The following PDCD1LG2 variants were observed in gnomAD, a reference collection of about 807,000 sequenced individuals.
PDCD1LG2 encodes programmed cell death 1 ligand 2, also known as B7 dendritic cell molecule.
PDCD1LG2 carries 32 observed loss-of-function variants against 28.2 expected under a neutral mutation model. That is an observed-to-expected ratio of 1.13 (90% CI 0.86 to 1.52). The LOEUF is 1.52. Ranked by LOEUF, PDCD1LG2 falls within the 40% of genes most tolerant of loss-of-function variation. PDCD1LG2 has a pLI of 0.00. For synonymous variants in PDCD1LG2, 116 were observed against 120.2 expected, an observed-to-expected ratio of 0.97 and a Z score of 0.23; for missense variants, 385 against 323.8, an observed-to-expected ratio of 1.19 and a Z score of -1.45.
At chr9:5,550,476 T>C (rs921266478) in intron 4 of PDCD1LG2, among the ~76,000 whole-genome samples, 4 of 152,234 alleles carry the variant, frequency 2.6e-5, no homozygotes, top group Non-Finnish European at 4.4e-5. Context: ...AGATTTATTA[T>C]CTGATACTTA....
rs1037986056 is a variant in PDCD1LG2, at chr9:5,549,687, G to T, written c.631+83G>T. The T allele has an allele frequency of 7.3e-6, 11 of 1,505,320 alleles. No homozygotes were observed. In the African/African-American group the frequency reaches 1.5e-4, roughly 21 times the overall value. The allele number at this position is 1,505,320 out of a possible 1,614,324, so 93.2% of individuals were successfully genotyped here. ...GGCATACTCGAGTGATTTGAGGAGA[G>T]TGTAATAAAGGGACTGTTTACAAAG... On this transcript the variant is annotated intron_variant, in intron 4 of 6. Transcript: ENST00000397747.
chr9:5,522,093 G>A (rs1820285984), intron 1 of PDCD1LG2, among the ~76,000 whole-genome samples: 1 of 152,190 alleles, frequency 6.6e-6, no homozygotes, highest in Admixed American at 6.5e-5. Context: ...ATGTAGCTCT[G>A]TTCTATGGAG....
At chr9:5,514,772 G>GAAAAAAAAAAA (rs60002651) in intron 1 of PDCD1LG2, among the ~76,000 whole-genome samples, 33 of 62,188 alleles carry the variant, frequency 5.3e-4, no homozygotes, top group African/African-American at 8.6e-4. Context: ...AGTCTCTAAA[G>GAAAAAAAAAAA]AAAAAAAAAA....
At chr9:5,566,594 G>A (rs1816670567) in intron 6 of PDCD1LG2, among the ~76,000 whole-genome samples, 1 of 152,186 alleles carries the variant, frequency 6.6e-6, no homozygotes, top group African/African-American at 2.4e-5. Flanking sequence ...CAGTCTCTGA[G>A]TGACTAAAAT....
intron 4 of PDCD1LG2, among the ~76,000 whole-genome samples, chr9:5,549,851 G>A (rs1414893965): frequency 6.6e-6 from 1 of 152,110 alleles, no homozygotes; most frequent in Non-Finnish European, 1.5e-5. Context: ...CCCAGGAGCT[G>A]TAGCCACAGA....
intron 1 of PDCD1LG2, among the ~76,000 whole-genome samples, chr9:5,511,643 T>C (rs576267441): frequency 4.6e-5 from 7 of 152,308 alleles, no homozygotes; most frequent in African/African-American, 1.7e-4. Flanking sequence ...CAGGGTCAAA[T>C]ACGGAGTTGG....
At chr9:5,562,886 G>A (rs746539482) in intron 5 of PDCD1LG2, among the ~76,000 whole-genome samples, 4 of 152,216 alleles carry the variant, frequency 2.6e-5, no homozygotes, top group Admixed American at 6.5e-5. Context: ...ACATTTCCTG[G>A]ATTGAATACC....
intron 2 of PDCD1LG2, among the ~76,000 whole-genome samples, chr9:5,531,750 T>C (rs896897606): frequency 1.3e-5 from 2 of 152,214 alleles, no homozygotes; most frequent in African/African-American, 2.4e-5. Flanking sequence ...AAGTCATCTA[T>C]TTAATTCTTG....
intron 1 of PDCD1LG2, among the ~76,000 whole-genome samples, chr9:5,521,013 A>T (rs1820262885): frequency 6.6e-6 from 1 of 152,232 alleles, no homozygotes; most frequent in Non-Finnish European, 1.5e-5. Context: ...ATATCATACA[A>T]TGGAATATTA....
intron 1 of PDCD1LG2, among the ~76,000 whole-genome samples, chr9:5,512,128 C>G (rs1820072149): frequency 6.6e-6 from 1 of 152,172 alleles, no homozygotes. Context: ...TGGACAGCAA[C>G]CAGTAGATTG....
intron 1 of PDCD1LG2, among the ~76,000 whole-genome samples, chr9:5,522,148 A>C (rs969263594): frequency 4.0e-5 from 6 of 151,746 alleles, no homozygotes; most frequent in African/African-American, 1.5e-4. Flanking sequence ...GTCCAGGTAA[A>C]GAAGATGGTG....
intron 4 of PDCD1LG2, among the ~76,000 whole-genome samples, chr9:5,552,976 T>C (rs1816367485): frequency 6.6e-6 from 1 of 152,120 alleles, no homozygotes; most frequent in African/African-American, 2.4e-5. Flanking sequence ...GCATGGTGGT[T>C]CTTGTCTGTA....
chr9:5,540,614 G>A, intron 3 of PDCD1LG2, among the ~76,000 whole-genome samples: 1 of 151,850 alleles, frequency 6.6e-6, no homozygotes, highest in South Asian at 2.1e-4. Context: ...AGAAAAGCTA[G>A]AGGAGATGGA....
At chr9:5,541,820 A>G (rs969758365) in intron 3 of PDCD1LG2, among the ~76,000 whole-genome samples, 3 of 152,172 alleles carry the variant, frequency 2.0e-5, no homozygotes, top group Non-Finnish European at 4.4e-5. Flanking sequence ...CAAAAGTAGA[A>G]AAAGAAATCC....
chr9:5,533,859 C>T (rs771412377), intron 2 of PDCD1LG2, among the ~76,000 whole-genome samples: 3 of 151,264 alleles, frequency 2.0e-5, no homozygotes, highest in South Asian at 2.1e-4. Context: ...ACAGGTTTCA[C>T]GGTCATGTTT....
intron 1 of PDCD1LG2, among the ~76,000 whole-genome samples, chr9:5,519,579 G>A (rs1024543902): frequency 7.9e-5 from 12 of 152,032 alleles, no homozygotes; most frequent in African/African-American, 2.9e-4. Flanking sequence ...TCAGTCCTTG[G>A]GCACTCTCTT....
At chr9:5,563,131 T>C (rs1443939114) in intron 5 of PDCD1LG2, 31 bp from the exon 6 acceptor site, 1 of 1,540,874 alleles carries the variant, frequency 6.5e-7, no homozygotes, top group Non-Finnish European at 9.0e-7. Flanking sequence ...CTCATTAATC[T>C]TATTCCATTT....
chr9:5,522,806 A>G (rs778256900), intron 2 of PDCD1LG2, among the ~76,000 whole-genome samples: 1 of 152,058 alleles, frequency 6.6e-6, no homozygotes, highest in Non-Finnish European at 1.5e-5. Context: ...AGAAACGGTG[A>G]CTGAGAATAT....
At chr9:5,521,803 C>A (rs2129721291) in intron 1 of PDCD1LG2, among the ~76,000 whole-genome samples, 1 of 152,308 alleles carries the variant, frequency 6.6e-6, no homozygotes, top group Non-Finnish European at 1.5e-5. Context: ...AAAGCCTCCT[C>A]AGTTTCAGAC....
Sources: allele counts gnomAD v4.1 joint callset (sites outside exome capture counted in the v4.1 genomes callset), GRCh38; gene constraint gnomAD v4.1.1; transcripts MANE v1.5; gene names NCBI Gene and HGNC (gene_info 2026-07-23, HGNC 2026-07-21).